PLAGL1: variants seen among roughly 807,000 people sequenced by gnomAD.
PLAGL1 encodes zinc finger protein PLAGL1.
In PLAGL1, 1 loss-of-function variant was observed where a neutral mutation model predicts 4.6. The ratio of observed to expected loss-of-function variants is 0.22; its 90% confidence interval spans 0.08 to 1.03. The LOEUF is 1.03. Ranked by LOEUF, PLAGL1 falls within the 50% of genes least tolerant of loss-of-function variation. The pLI, the probability that PLAGL1 is intolerant of heterozygous loss-of-function variation, is 0.58. For synonymous variants in PLAGL1, 240 were observed against 237.8 expected (o/e 1.01, Z -0.08); for missense variants, 464 against 570.4 (o/e 0.81, Z 1.90).
At chr6:143,987,650 A>G (rs1372306679) in intron 1 of PLAGL1, among the ~76,000 whole-genome samples, 1 of 151,954 alleles carries the variant, frequency 6.6e-6, no homozygotes, top group East Asian at 1.9e-4. Context: ...CTTCTTCACC[A>G]AGAAGCCAGC....
In PLAGL1 at chr6:143,942,215, G is replaced by T. The variant is rs1241658834; in HGVS notation, c.601C>A (p.Arg201=). 6.2e-7 allele frequency: 1 copy of T among 1,614,032 alleles called. No homozygotes were observed. Among genetic ancestry groups the T allele is most frequent in the Non-Finnish European group, 8.5e-7 (1 of 1,180,020 alleles). ...QRFGRKDHLT[R]HTKKTHSQEL... is the part of the protein sequence containing the mutation. ...TGTGAGTGGGTCTTCTTGGTATGCC[G>T]GGTGAGGTGATCCTTGCGCCCAAAT... Residue 201 remains arginine (R), a synonymous_variant, in exon 8 of 8, where the codon CGG becomes AGG. Transcript: ENST00000674357. This position sits in a 1 kb window ranked among gnomAD's most constrained non-coding sequence, Gnocchi z 7.6.
rs184152867 is a variant in PLAGL1, at chr6:144,026,329, A to C, written c.-151+38139T>G. On this transcript the variant is annotated intron_variant, in intron 1 of 3. Transcript: ENST00000437412. ...AAAAGGTGAGTAAATCTTAGAGAAAAGATTTTGCTTTAACAATAGCAAAAT... is the reference window on the plus strand; with the variant it reads ...AAAAGGTGAGTAAATCTTAGAGAAACGATTTTGCTTTAACAATAGCAAAAT... 2.6e-5 allele frequency among the ~76,000 whole-genome samples: 4 copies of C among 152,320 alleles called. No individual in the cohort carries two copies. In the East Asian group the frequency reaches 7.7e-4, roughly 29 times the overall value.
chr6:144,041,922 C>G (rs1269410189), intron 1 of PLAGL1, among the ~76,000 whole-genome samples: 1 of 152,216 alleles, frequency 6.6e-6, no homozygotes, highest in Non-Finnish European at 1.5e-5. Context: ...TTGCATTTCT[C>G]TGATGACCAA....
Position 144,034,277 on chromosome 6 carries a change from C to A in PLAGL1, c.-151+30191G>T, listed in dbSNP as rs1192542191. Among the ~76,000 whole-genome samples, 4 of 152,094 alleles carry A rather than the reference C, an allele frequency of 2.6e-5. No homozygotes were observed. Among genetic ancestry groups the A allele is most frequent in the Admixed American group, 6.5e-5 (1 of 15,270 alleles). On this transcript the variant is annotated intron_variant, in intron 1 of 3. Transcript: ENST00000437412. The surrounding 1 kb of genome is among the most constrained non-coding windows in gnomAD (Gnocchi z 4.7). ...AGCTGCCAAGGCCCAGGCTGACAAC[C>A]CCCCAACCACACCACACCCTCTGGA...
rs975677165 is a variant in PLAGL1 at position 143,960,598 on chromosome 6, C to T, written c.-398-56G>A. 6.6e-6 allele frequency: 1 copy of T among 152,192 alleles called. No individual in the cohort carries two copies. Among genetic ancestry groups the T allele is most frequent in the Non-Finnish European group, 1.5e-5 (1 of 68,032 alleles). The allele number at this position is 152,192 out of a possible 1,614,324, so 9.4% of individuals were successfully genotyped here. A position where few individuals can be genotyped will look rare whatever the true frequency, so the allele number is the denominator to read the frequency against. On this transcript the variant is annotated intron_variant, in intron 5 of 7. Transcript: ENST00000674357. The surrounding 1 kb of genome is among the most constrained non-coding windows in gnomAD (Gnocchi z 5.7). ...GAATGAAGCTAGGAAAACATTCCTC[C>T]ATTATGTTACCCCCTGAACTTCACT...
chr6:143,992,462 C>A (rs532793906), intron 1 of PLAGL1, among the ~76,000 whole-genome samples: 2 of 152,296 alleles, frequency 1.3e-5, no homozygotes, highest in South Asian at 2.1e-4. Context: ...GTTAGCCCAT[C>A]CTGACTACAT....
intron 1 of PLAGL1, among the ~76,000 whole-genome samples, chr6:144,030,089 T>TA (rs1292497563): frequency 6.6e-6 from 1 of 151,258 alleles, no homozygotes; most frequent in African/African-American, 2.4e-5. Flanking sequence ...CTGTCTCCAC[T>TA]AAAAAATACA....
Position 143,941,280 on chromosome 6 carries a change from A to C in PLAGL1, c.*144T>G. 1 of 598,344 alleles carries C rather than the reference A, an allele frequency of 1.7e-6. No individual in the cohort carries two copies. The allele number at this position is 598,344 out of a possible 1,614,324, so 37.1% of individuals were successfully genotyped here. A position where few individuals can be genotyped will look rare whatever the true frequency, so the allele number is the denominator to read the frequency against. On this transcript the variant is annotated 3_prime_UTR_variant, in exon 8 of 8. Transcript: ENST00000674357. The surrounding 1 kb of genome is among the most constrained non-coding windows in gnomAD (Gnocchi z 6.0). ...TTGGCACAATACATGCAGTTCGAGA[A>C]TTCTCTTATCATCTCAAGCCAGTCA...
At position 143,941,363 on chromosome 6, in the gene PLAGL1, G is replaced by T; in HGVS notation, c.*61C>A. On this transcript the variant is annotated 3_prime_UTR_variant, in exon 8 of 8. Coordinates refer to ENST00000674357, the MANE Select transcript of PLAGL1 (RefSeq NM_001317162.2). This position sits in a 1 kb window ranked among gnomAD's most constrained non-coding sequence, Gnocchi z 6.0. The stretch of plus-strand genomic sequence containing the variant: ...TCCAAATCTTTCTCATATTGTAACT[G>T]ACATTTAAAATGCTTCTTAAAACAT... The T allele has an allele frequency of 7.7e-7, 1 of 1,293,668 alleles. No individual in the cohort carries two copies. The highest frequency in any genetic ancestry group is 1.1e-6 in the Non-Finnish European group (1 of 951,228). 80.1% of individuals were successfully genotyped at this position (1,293,668 alleles called of 1,614,324 possible).
chr6:143,989,280 C>T lies in PLAGL1; in HGVS notation c.-583-4106G>A, dbSNP rs979769100. On this transcript the variant is annotated intron_variant, in intron 1 of 7. Coordinates refer to ENST00000674357, the MANE Select transcript of PLAGL1 (RefSeq NM_001317162.2). The surrounding 1 kb of genome is among the most constrained non-coding windows in gnomAD (Gnocchi z 4.8). ...CTCATCCCTGGAGAGTGTGATATGA[C>T]AGTGAATTGTGTCAACGTGACTGTG... Among the ~76,000 whole-genome samples, 8 of 152,150 alleles carry T rather than the reference C, an allele frequency of 5.3e-5. No homozygotes were observed. Among genetic ancestry groups the T allele is most frequent in the African/African-American group, 1.9e-4 (8 of 41,436 alleles).
intron 1 of PLAGL1, among the ~76,000 whole-genome samples, chr6:144,042,007 T>A (rs1797778380): frequency 1.3e-5 from 2 of 152,220 alleles, no homozygotes; most frequent in Admixed American, 1.3e-4. Context: ...GTTCATATCC[T>A]TTGCCCACTT....
rs780819754 is a variant in PLAGL1 at position 144,063,824 on chromosome 6, G to C, written c.-151+644C>G. Reference sequence around the variant, plus strand: ...GGCGTGTCCTGCCCGCCCCCATCAGGGGAGTCCTGCTCTCGAAATTATCCC... The same window carrying C: ...GGCGTGTCCTGCCCGCCCCCATCAGCGGAGTCCTGCTCTCGAAATTATCCC... On this transcript the variant is annotated intron_variant, in intron 1 of 3. Coordinates refer to the PLAGL1 transcript ENST00000437412. This position sits in a 1 kb window ranked among gnomAD's most constrained non-coding sequence, Gnocchi z 5.7. 6.6e-6 allele frequency among the ~76,000 whole-genome samples: 1 copy of C among 152,116 alleles called. No homozygotes were observed. The highest frequency in any genetic ancestry group is 6.5e-5 in the Admixed American group (1 of 15,286).
At chr6:144,043,481 C>T (rs143250470) in intron 1 of PLAGL1, among the ~76,000 whole-genome samples, 2,391 of 151,962 alleles carry the variant, frequency 0.016, 61 homozygotes, top group African/African-American at 0.054. Context: ...TTACGTTTAT[C>T]GATTTGCATA....
intron 1 of PLAGL1, among the ~76,000 whole-genome samples, chr6:144,047,552 G>A (rs1798256203): frequency 6.6e-6 from 1 of 152,144 alleles, no homozygotes; most frequent in Admixed American, 6.5e-5. Flanking sequence ...CATGGCTTAT[G>A]TGGCATGAGA....
chr6:144,022,444 A>G lies in PLAGL1; in HGVS notation c.-151+42024T>C, dbSNP rs1796037850. Among the ~76,000 whole-genome samples the G allele has an allele frequency of 6.6e-6, 1 of 152,242 alleles. No homozygotes were observed. Among genetic ancestry groups the G allele is most frequent in the Non-Finnish European group, 1.5e-5 (1 of 68,042 alleles). On this transcript the variant is annotated intron_variant, in intron 1 of 3. Transcript: ENST00000437412. The surrounding 1 kb of genome is among the most constrained non-coding windows in gnomAD (Gnocchi z 4.2). ...CCATCATTGGTGATGGGAATGCAAAATGGTACAGCCACTTTGGAAGACAGT... is the reference window on the plus strand; with the variant it reads ...CCATCATTGGTGATGGGAATGCAAAGTGGTACAGCCACTTTGGAAGACAGT...
rs1389065017 is a variant in PLAGL1, at chr6:144,034,956, A to G, written c.-151+29512T>C. 6.6e-6 allele frequency among the ~76,000 whole-genome samples: 1 copy of G among 152,208 alleles called. No individual in the cohort carries two copies. Among genetic ancestry groups the G allele is most frequent in the South Asian group, 2.1e-4 (1 of 4,828 alleles). Reference sequence around the variant, plus strand: ...ATCTTTGAGTATTAACTTGGAAATAAGGTAAATTGATGGATGGGTATGTAA... The same window carrying G: ...ATCTTTGAGTATTAACTTGGAAATAGGGTAAATTGATGGATGGGTATGTAA... On this transcript the variant is annotated intron_variant, in intron 1 of 3. Coordinates refer to the PLAGL1 transcript ENST00000437412. This position sits in a 1 kb window ranked among gnomAD's most constrained non-coding sequence, Gnocchi z 4.7.
intron 1 of PLAGL1, among the ~76,000 whole-genome samples, chr6:144,035,090 G>A (rs1171874929): frequency 6.6e-6 from 1 of 152,112 alleles, no homozygotes; most frequent in East Asian, 1.9e-4. Flanking sequence ...ATACTAAAAT[G>A]TTTCAGGGGG....
chr6:144,054,920 T>C (rs1016191078), intron 1 of PLAGL1, among the ~76,000 whole-genome samples: 2 of 152,008 alleles, frequency 1.3e-5, no homozygotes, highest in African/African-American at 4.8e-5. Context: ...AAATGCAACA[T>C]ATAAATAATA....
chr6:144,013,237 A>C (rs1372748641), upstream of PLAGL1, among the ~76,000 whole-genome samples: 1 of 152,210 alleles, frequency 6.6e-6, no homozygotes, highest in Non-Finnish European at 1.5e-5. This position sits in a 1 kb window ranked among gnomAD's most constrained non-coding sequence, Gnocchi z 4.4. Flanking sequence ...GGTTGATACA[A>C]TGTGTCAGGA....
Sources: allele counts gnomAD v4.1 joint callset (sites outside exome capture counted in the v4.1 genomes callset), GRCh38; gene constraint gnomAD v4.1.1; non-coding constraint Gnocchi (gnomAD v3.1); transcripts MANE v1.5; gene names NCBI Gene and HGNC (gene_info 2026-07-23, HGNC 2026-07-21).